ANKRD55: variants seen among roughly 807,000 people sequenced by gnomAD.
ANKRD55 encodes the protein ankyrin repeat domain 55, also known as ankyrin repeat domain-containing protein 55.
In ANKRD55, 41 loss-of-function variants were observed where a neutral mutation model predicts 60.6. That is an observed-to-expected ratio of 0.68 (90% CI 0.53 to 0.88). The LOEUF is 0.88. ANKRD55 is among the 40% of genes least tolerant of loss of function. ANKRD55 has a pLI of 0.00. For synonymous variants in ANKRD55, 264 were observed against 290.3 expected, an observed-to-expected ratio of 0.91 and a Z score of 0.92; for missense variants, 732 against 767.6, an observed-to-expected ratio of 0.95 and a Z score of 0.55.
At chr5:56,178,059 G>A (rs1466026744) in intron 3 of ANKRD55, among the ~76,000 whole-genome samples, 1 of 151,910 alleles carries the variant, frequency 6.6e-6, no homozygotes, top group African/African-American at 2.4e-5. Flanking sequence ...GCTATAATTC[G>A]AAGTGGAAGG....
chr5:56,174,531 C>T (rs565944155), intron 4 of ANKRD55, among the ~76,000 whole-genome samples: 8 of 152,242 alleles, frequency 5.3e-5, no homozygotes, highest in East Asian at 1.9e-4. Flanking sequence ...TATGGGACTT[C>T]GGCTAATATG....
At chr5:56,183,305 CCTAT>C (rs1305528056) in intron 3 of ANKRD55, among the ~76,000 whole-genome samples, 6 of 152,162 alleles carry the variant, frequency 3.9e-5, no homozygotes, top group Admixed American at 3.9e-4. Flanking sequence ...AACTACTTGA[CCTAT>C]CTATTTTGGT....
chr5:56,117,656 G>C (rs1756921162), intron 8 of ANKRD55, among the ~76,000 whole-genome samples: 1 of 152,050 alleles, frequency 6.6e-6, no homozygotes, highest in Non-Finnish European at 1.5e-5. Context: ...GTTTCACTAT[G>C]TTGGCCAGGC....
rs776491765 is a variant in ANKRD55, at chr5:56,142,975, A to T, written c.612+826T>A. Among the ~76,000 whole-genome samples, 9 of 152,312 alleles carry T rather than the reference A, an allele frequency of 5.9e-5. No homozygotes were observed. In the Middle Eastern group the frequency reaches 0.01, roughly 173 times the overall value. On this transcript the variant is annotated intron_variant, in intron 7 of 11. Coordinates refer to ENST00000341048, the MANE Select transcript of ANKRD55 (RefSeq NM_024669.3). ...ACATCAGGCACACATGTCAATCCTG[A>T]AAGTCCCAGGTGCCCACTTCTGCTG...
At chr5:56,180,048 G>A (rs1006244168) in intron 3 of ANKRD55, among the ~76,000 whole-genome samples, 1 of 152,142 alleles carries the variant, frequency 6.6e-6, no homozygotes, top group African/African-American at 2.4e-5. Context: ...AGGTTGAGGG[G>A]CCATATTGGG....
chr5:56,119,403 C>G (rs573868798), intron 8 of ANKRD55, among the ~76,000 whole-genome samples: 177 of 152,252 alleles, frequency 1.2e-3, no homozygotes, highest in African/African-American at 4.1e-3. Flanking sequence ...AGACAGATAA[C>G]TATTGAGTGG....
chr5:56,118,899 A>G (rs992389327), intron 8 of ANKRD55, among the ~76,000 whole-genome samples: 1 of 152,124 alleles, frequency 6.6e-6, no homozygotes, highest in South Asian at 2.1e-4. Context: ...AAAAAACCCA[A>G]AGAGAACAAA....
intron 5 of ANKRD55, among the ~76,000 whole-genome samples, chr5:56,163,172 C>A (rs936893367): frequency 1.3e-5 from 2 of 152,166 alleles, no homozygotes; most frequent in African/African-American, 4.8e-5. Flanking sequence ...CATTCTTGCC[C>A]TCACTCTGGC....
At chr5:56,178,000 T>C (rs900208146) in intron 3 of ANKRD55, among the ~76,000 whole-genome samples, 16 of 152,150 alleles carry the variant, frequency 1.1e-4, no homozygotes, top group Admixed American at 7.9e-4. Context: ...TATTTTACAA[T>C]TATGTATTGA....
At chr5:56,113,054 A>G (rs961863964) in intron 9 of ANKRD55, among the ~76,000 whole-genome samples, 1 of 152,146 alleles carries the variant, frequency 6.6e-6, no homozygotes, top group Non-Finnish European at 1.5e-5. Flanking sequence ...AAGTTTCCCT[A>G]TAAAGAATAT....
intron 4 of ANKRD55, among the ~76,000 whole-genome samples, chr5:56,173,580 C>CTATATATA (rs1162215148): frequency 3.5e-4 from 21 of 59,766 alleles, no homozygotes; most frequent in Non-Finnish European, 4.8e-4. Context: ...CTCTCTCTCT[C>CTATATATA]TCTATATATA....
chr5:56,160,670 G>A (rs921219510), intron 5 of ANKRD55: 5 of 152,176 alleles, frequency 3.3e-5, no homozygotes, highest in African/African-American at 1.2e-4. Context: ...ATTATACCAG[G>A]AGGTTGTCAG....
At chr5:56,193,277 G>T in intron 2 of ANKRD55, 1 of 1,090,956 alleles carries the variant, frequency 9.2e-7, no homozygotes, top group South Asian at 1.5e-5. Context: ...CTTAGCACTG[G>T]GGAGATGCAT....
intron 5 of ANKRD55, among the ~76,000 whole-genome samples, chr5:56,160,584 A>G (rs1758303197): frequency 6.6e-6 from 1 of 151,994 alleles, no homozygotes; most frequent in South Asian, 2.1e-4. Flanking sequence ...CACAAGATTC[A>G]CTTTATAGAA....
At chr5:56,185,681 A>G (rs567104117) in intron 2 of ANKRD55, among the ~76,000 whole-genome samples, 26 of 151,982 alleles carry the variant, frequency 1.7e-4, no homozygotes, top group Admixed American at 9.2e-4. Flanking sequence ...AAAAAAAAAA[A>G]GTAAAAAAAG....
intron 5 of ANKRD55, among the ~76,000 whole-genome samples, chr5:56,166,147 TTTCTTTCTTCTTTCC>T (rs1758464008): frequency 9.6e-6 from 1 of 104,562 alleles, no homozygotes; most frequent in African/African-American, 5.4e-5. Context: ...TCTTTCTTTC[TTTCTTTCTTCTTTCC>T]TTCCTTCCTT....
At chr5:56,120,449 G>T (rs915753780) in intron 8 of ANKRD55, among the ~76,000 whole-genome samples, 6 of 152,218 alleles carry the variant, frequency 3.9e-5, no homozygotes, top group African/African-American at 1.4e-4. Flanking sequence ...CAACCTCAGG[G>T]GAGGAATATT....
chr5:56,112,511 A>AAAAAAAAAAAAAAAAAACAAAAAC, intron 9 of ANKRD55, among the ~76,000 whole-genome samples: 1 of 81,520 alleles, frequency 1.2e-5, no homozygotes, highest in Non-Finnish European at 2.4e-5. Flanking sequence ...TAGCAAAAAA[A>AAAAAAAAAAAAAAAAAACAAAAAC]AAAAAAAAAA....
At chr5:56,173,576 CTCTCTCTATATATATA>C (rs1464834601) in intron 4 of ANKRD55, among the ~76,000 whole-genome samples, 6 of 85,402 alleles carry the variant, frequency 7.0e-5, no homozygotes, top group East Asian at 3.7e-4. Context: ...CTCTCTCTCT[CTCTCTCTATATATATA>C]TATATATATA....
Sources: gnomAD v4.1 joint callset for allele counts (sites outside exome capture counted in the v4.1 genomes callset) on GRCh38, gnomAD v4.1.1 for gene constraint, MANE v1.5 for transcripts, NCBI Gene and HGNC (gene_info 2026-07-23, HGNC 2026-07-21) for gene names.